PREP: variants seen among roughly 807,000 people sequenced by gnomAD.
PREP encodes the protein prolyl endopeptidase.
A neutral mutation model predicts 87.6 loss-of-function variants in PREP; 29 were observed. That is an observed-to-expected ratio of 0.33 (90% CI 0.25 to 0.45). PREP has a LOEUF of 0.45. Ranked by LOEUF, PREP falls within the 20% of genes least tolerant of loss-of-function variation. PREP has a pLI of 1.00. For synonymous variants in PREP, 337 were observed against 328.6 expected, an observed-to-expected ratio of 1.03 and a Z score of -0.28; for missense variants, 695 against 886.5, an observed-to-expected ratio of 0.78 and a Z score of 2.74.
intron 2 of PREP, among the ~76,000 whole-genome samples, chr6:105,379,646 A>G (rs1772784582): frequency 6.6e-6 from 1 of 152,210 alleles, no homozygotes; most frequent in African/African-American, 2.4e-5. Context: ...GGAAGACGCA[A>G]CCTGGGCCTC....
intron 10 of PREP, among the ~76,000 whole-genome samples, chr6:105,295,681 G>C (rs114912127): frequency 6.6e-6 from 1 of 152,050 alleles, no homozygotes; most frequent in African/African-American, 2.4e-5. Context: ...ATAGAGACAC[G>C]CCTATTTATA....
At chr6:105,317,770 C>A (rs1770913529) in intron 10 of PREP, among the ~76,000 whole-genome samples, 1 of 152,174 alleles carries the variant, frequency 6.6e-6, no homozygotes, top group Non-Finnish European at 1.5e-5. Context: ...CACTAGCTTA[C>A]ACAGCTTCCT....
chr6:105,387,614 AAAAAAAG>A (rs1268651597), intron 2 of PREP, among the ~76,000 whole-genome samples: 2,085 of 63,732 alleles, frequency 0.033, 39 homozygotes, highest in African/African-American at 0.22. Context: ...AGCTAAAAAA[AAAAAAAG>A]AAAAAAAGAA....
intron 1 of PREP, among the ~76,000 whole-genome samples, 188 bp downstream of exon 1, chr6:105,402,659 G>A (rs984749722): frequency 1.3e-5 from 2 of 152,130 alleles, no homozygotes; most frequent in African/African-American, 2.4e-5. Flanking sequence ...CAGAGTGACC[G>A]CCCGCGGGAC....
At chr6:105,310,540 T>TC (rs1414502566) in intron 10 of PREP, among the ~76,000 whole-genome samples, 1 of 152,154 alleles carries the variant, frequency 6.6e-6, no homozygotes, top group African/African-American at 2.4e-5. Flanking sequence ...TGCCTGCCAC[T>TC]CCCTCCTTTT....
chr6:105,348,835 C>T (rs772686825), intron 7 of PREP, among the ~76,000 whole-genome samples: 11 of 151,094 alleles, frequency 7.3e-5, no homozygotes, highest in East Asian at 2.0e-4. Flanking sequence ...ACTGAGATCA[C>T]GCCACTGCAC....
chr6:105,310,442 G>A (rs1028413238), intron 10 of PREP, among the ~76,000 whole-genome samples: 2 of 152,106 alleles, frequency 1.3e-5, no homozygotes, highest in Non-Finnish European at 2.9e-5. Flanking sequence ...CACTGAAAGT[G>A]CTCTTATCAA....
chr6:105,279,148 A>G (rs936188302), intron 14 of PREP: 1 of 152,212 alleles, frequency 6.6e-6, no homozygotes. Context: ...AATAGTTGAA[A>G]TATCTGGATA....
At chr6:105,392,765 T>C (rs1008760640) in intron 2 of PREP, among the ~76,000 whole-genome samples, 3 of 152,044 alleles carry the variant, frequency 2.0e-5, no homozygotes, top group Non-Finnish European at 2.9e-5. Context: ...TTAGTAGAGA[T>C]GGGGTTTTGT....
At chr6:105,398,818 C>G (rs1408828066) in intron 1 of PREP, among the ~76,000 whole-genome samples, 2 of 152,104 alleles carry the variant, frequency 1.3e-5, no homozygotes, top group Non-Finnish European at 2.9e-5. Flanking sequence ...CAAGATTAAC[C>G]CCATTAGGAC....
intron 10 of PREP, 82 bp from the exon 11 acceptor site, chr6:105,288,976 T>C (rs936602046): frequency 7.2e-7 from 1 of 1,387,326 alleles, no homozygotes; most frequent in Non-Finnish European, 1.0e-6. Flanking sequence ...AATAGTAAAT[T>C]CTCTCTTCAT....
intron 7 of PREP, among the ~76,000 whole-genome samples, chr6:105,334,776 C>T (rs1363639620): frequency 2.6e-5 from 4 of 151,196 alleles, no homozygotes; most frequent in African/African-American, 7.4e-5. Flanking sequence ...GGCTTGAACA[C>T]AGTGGCTATT....
chr6:105,328,622 T>C (rs150290315), intron 9 of PREP, among the ~76,000 whole-genome samples: 9 of 152,290 alleles, frequency 5.9e-5, no homozygotes, highest in African/African-American at 1.9e-4. Flanking sequence ...ACTTGGAATA[T>C]AAGATTAATG....
intron 9 of PREP, among the ~76,000 whole-genome samples, chr6:105,325,966 A>G (rs937337400): frequency 6.6e-6 from 1 of 152,198 alleles, no homozygotes; most frequent in Non-Finnish European, 1.5e-5. Flanking sequence ...AAATGTAAGG[A>G]GAAGTAGGAG....
At chr6:105,366,528 G>A (rs764960470) in intron 6 of PREP, among the ~76,000 whole-genome samples, 8 of 152,222 alleles carry the variant, frequency 5.3e-5, no homozygotes, top group Non-Finnish European at 1.2e-4. Context: ...AATGGTAGAA[G>A]GATCATCTGA....
rs191983783 is a variant in PREP at position 105,327,424 on chromosome 6, C to T, written c.1213+1405G>A. On this transcript the variant is annotated intron_variant, in intron 9 of 14. Transcript: ENST00000652536. ...GTGCTTTTCCTAGCTTCTCTTGATCCGCTGCAAGGTGCTTGGGAAAGTAAA... is the reference window on the plus strand; with the variant it reads ...GTGCTTTTCCTAGCTTCTCTTGATCTGCTGCAAGGTGCTTGGGAAAGTAAA... Among the ~76,000 whole-genome samples the T allele has an allele frequency of 3.2e-3, 483 of 152,220 alleles. 5 individuals carry two copies. The highest frequency in any genetic ancestry group is 0.01 in the Middle Eastern group (3 of 294).
intron 2 of PREP, among the ~76,000 whole-genome samples, chr6:105,380,590 G>A (rs1772811352): frequency 6.6e-6 from 1 of 152,080 alleles, no homozygotes; most frequent in East Asian, 1.9e-4. Context: ...AAAAGGGGCA[G>A]GAACAACCAT....
At chr6:105,395,366 G>A (rs35750665) in intron 2 of PREP, among the ~76,000 whole-genome samples, 3,399 of 152,016 alleles carry the variant, frequency 0.022, 62 homozygotes, top group Non-Finnish European at 0.035. Flanking sequence ...GTCTACCTGG[G>A]TTACCCTTGA....
chr6:105,376,381 T>G, intron 3 of PREP, 126 bp from the exon 4 acceptor site: 73 of 1,065,004 alleles, frequency 6.9e-5, no homozygotes, highest in Non-Finnish European at 9.0e-5. Flanking sequence ...AATCTGGCCA[T>G]CGCAGGGACG....
Sources: allele counts gnomAD v4.1 joint callset (sites outside exome capture counted in the v4.1 genomes callset), GRCh38; gene constraint gnomAD v4.1.1; transcripts MANE v1.5; gene names NCBI Gene and HGNC (gene_info 2026-07-23, HGNC 2026-07-21).